The following DNAH12 variants were observed in gnomAD, a reference collection of about 807,000 sequenced individuals.
The protein encoded by DNAH12 is dynein axonemal heavy chain 12, also known as axonemal beta dynein heavy chain 12.
A neutral mutation model predicts 371.5 loss-of-function variants in DNAH12; 285 were observed. That is an observed-to-expected ratio of 0.77 (90% CI 0.70 to 0.85). The LOEUF is 0.85. Among genes scored for constraint, DNAH12 ranks in the 40% least tolerant of loss-of-function variants. The pLI, the probability that DNAH12 is intolerant of heterozygous loss-of-function variation, is 0.00. For synonymous variants in DNAH12, 1,200 were observed against 1,213.0 expected (o/e 0.99, Z 0.22); for missense variants, 3,611 against 3,689.4 (o/e 0.98, Z 0.55).
chr3:57,326,920 A>C (rs1283046180), intron 62 of DNAH12, among the ~76,000 whole-genome samples: 6 of 152,246 alleles, frequency 3.9e-5, no homozygotes, highest in Admixed American at 1.3e-4. Flanking sequence ...CTGGTCTCTG[A>C]TAAAACAGAC....
At chr3:57,304,609 G>A (rs1258236924) in intron 69 of DNAH12, among the ~76,000 whole-genome samples, 1 of 152,154 alleles carries the variant, frequency 6.6e-6, no homozygotes, top group Non-Finnish European at 1.5e-5. Flanking sequence ...TGGGAAGACA[G>A]TCTTCCCTTG....
chr3:57,522,465 T>C (rs1364303063), intron 4 of DNAH12, among the ~76,000 whole-genome samples: 1 of 152,200 alleles, frequency 6.6e-6, no homozygotes, highest in Non-Finnish European at 1.5e-5. Context: ...TTTGGGAATG[T>C]TGTGTATCAG....
chr3:57,544,805 T>A (rs765495965), upstream of DNAH12, among the ~76,000 whole-genome samples: 1 of 152,200 alleles, frequency 6.6e-6, no homozygotes. Flanking sequence ...TTTAGTGGTA[T>A]GCTGGGAGAA....
At chr3:57,341,068 T>C (rs2062384593) in intron 60 of DNAH12, among the ~76,000 whole-genome samples, 1 of 152,200 alleles carries the variant, frequency 6.6e-6, no homozygotes, top group Non-Finnish European at 1.5e-5. Context: ...AAAAAGCGTT[T>C]GATAAAATTC....
chr3:57,442,722 T>C (rs73076444), intron 29 of DNAH12, among the ~76,000 whole-genome samples: 4,311 of 151,460 alleles, frequency 0.028, 87 homozygotes, highest in African/African-American at 0.054. Flanking sequence ...TTTTGTGTTT[T>C]CATTTTGGTG....
chr3:57,307,490 C>A (rs1457894996), intron 69 of DNAH12, among the ~76,000 whole-genome samples: 1 of 152,204 alleles, frequency 6.6e-6, no homozygotes, highest in Non-Finnish European at 1.5e-5. Context: ...ACAACTTGAC[C>A]TTACTGTTTT....
At position 57,502,332 on chromosome 3, in the gene DNAH12, C is replaced by G; in HGVS notation, c.1234G>C (p.Glu412Gln). ...TGTATGTCATACACACCATATGTCT[C>G]ATAATGCTTTCTTGCACCTTCTAAG... ...RNLEGARKHY[E>Q]TYVEKYNWLL... Residue 412 changes from glutamate (E) to glutamine (Q), a missense_variant, in exon 10 of 74, where the codon GAG becomes CAG. Transcript: ENST00000495027. 6.2e-7 allele frequency: 1 copy of G among 1,614,034 alleles called. No individual in the cohort carries two copies. The highest frequency in any genetic ancestry group is 8.5e-7 in the Non-Finnish European group (1 of 1,179,972).
At chr3:57,432,168 C>T (rs1204346734) in intron 32 of DNAH12, among the ~76,000 whole-genome samples, 4 of 131,224 alleles carry the variant, frequency 3.0e-5, no homozygotes, top group Non-Finnish European at 4.7e-5. Context: ...TTCAGTATAT[C>T]TTTTTTTTTT....
intron 67 of DNAH12, among the ~76,000 whole-genome samples, chr3:57,310,226 C>G (rs1027318089): frequency 6.6e-6 from 1 of 152,130 alleles, no homozygotes; most frequent in East Asian, 1.9e-4. Flanking sequence ...AATGTATTGC[C>G]CCTAGAACTC....
Position 57,293,933 on chromosome 3 carries a change from A to T in DNAH12, c.11731T>A (p.Cys3911Ser). ...CGTTCACTTGTCTTGTAGAGGGGACAGACATAGGCATCCGACTTTATAATC... is the reference window on the plus strand; with the variant it reads ...CGTTCACTTGTCTTGTAGAGGGGACTGACATAGGCATCCGACTTTATAATC... Reference protein sequence around the residue: ...SRIIKSDAYVCPLYKTSERKG... With the variant: ...SRIIKSDAYVSPLYKTSERKG... The change falls in exon 74 of 74, where the codon TGT (cysteine) becomes AGT (serine). Residue 3911 changes from cysteine to serine, a missense_variant. Cys to Ser is a moderately radical substitution (Grantham distance 112). Around this residue, in one of 3 missense-constraint regions of DNAH12, gnomAD observed 2,266 missense variants for 2,236.9 expected, o/e 1.01. Coordinates refer to ENST00000495027, the MANE Select transcript of DNAH12 (RefSeq NM_001366028.2). 1 of 1,471,652 alleles carries T rather than the reference A, an allele frequency of 6.8e-7. No homozygotes were observed. Among genetic ancestry groups the T allele is most frequent in the Non-Finnish European group, 9.0e-7 (1 of 1,106,132 alleles). The allele number at this position is 1,471,652 out of a possible 1,614,324, so 91.2% of individuals were successfully genotyped here.
rs574535557 is a variant in DNAH12, at chr3:57,541,043, C to A, written c.170+1658G>T. Among the ~76,000 whole-genome samples the A allele has an allele frequency of 1.3e-4, 19 of 151,246 alleles. 1 individual carries two copies. Among genetic ancestry groups the A allele is most frequent in the South Asian group, 2.1e-4 (1 of 4,764 alleles). On this transcript the variant is annotated intron_variant, in intron 2 of 73. Coordinates refer to ENST00000495027, the MANE Select transcript of DNAH12 (RefSeq NM_001366028.2). ...GAAGGAGGAATGCATCTCTCCCCCT[C>A]CCTTTTATTTTTTTGAGATGGAGTC...
At chr3:57,489,776 A>G (rs918184350) in intron 11 of DNAH12, 89 bp from the exon 12 acceptor site, 40 of 1,253,572 alleles carry the variant, frequency 3.2e-5, no homozygotes, top group Non-Finnish European at 4.2e-5. Flanking sequence ...TCCTAATTAT[A>G]TAAATACAAC....
At position 57,500,163 on chromosome 3, in the gene DNAH12, C is replaced by CG. The variant is rs574074248; in HGVS notation, c.1335+1157_1335+1158insC. ...TCAAGCGATCCTACTCCTCAGCCCC[C>CG]CCTAGTAGCTGGGATTACAGGCATG... On this transcript the variant is annotated intron_variant, in intron 11 of 73. Transcript: ENST00000495027. 7.8e-3 allele frequency among the ~76,000 whole-genome samples: 1,186 copies of CG among 151,914 alleles called. 11 individuals are homozygous for CG. The highest frequency in any genetic ancestry group is 0.012 in the Non-Finnish European group (797 of 67,930).
chr3:57,305,103 C>G (rs911826513), intron 69 of DNAH12, among the ~76,000 whole-genome samples: 1 of 152,120 alleles, frequency 6.6e-6, no homozygotes, highest in Admixed American at 6.5e-5. Flanking sequence ...ACGGCACTTT[C>G]GATTTTTCCA....
At chr3:57,494,046 A>AT in intron 11 of DNAH12, among the ~76,000 whole-genome samples, 1 of 152,118 alleles carries the variant, frequency 6.6e-6, no homozygotes, top group Admixed American at 6.6e-5. Flanking sequence ...CAGCCTGAGC[A>AT]ATATAGTGAG....
intron 59 of DNAH12, among the ~76,000 whole-genome samples, chr3:57,353,379 A>G (rs944259221): frequency 1.1e-4 from 17 of 151,762 alleles, no homozygotes; most frequent in Middle Eastern, 3.4e-3. Context: ...TACAACCTCT[A>G]CCTCCTGGGC....
In DNAH12 at chr3:57,436,995, A is replaced by T. The variant is rs1559657455; in HGVS notation, c.4611T>A (p.Leu1537=). 1.3e-6 allele frequency: 2 copies of T among 1,514,882 alleles called. No homozygotes were observed. Among genetic ancestry groups the T allele is most frequent in the Middle Eastern group, 1.7e-4 (1 of 5,894 alleles). The allele number at this position is 1,514,882 out of a possible 1,614,324, so 93.8% of individuals were successfully genotyped here. ...VHNLQPVKFF[L]EKIIQTYEMM... ...TTTCATATGTTTGAATTATTTTTTCAAGAAAAAATTTAACAGGCTGAAGAT... is the reference window on the plus strand; with the variant it reads ...TTTCATATGTTTGAATTATTTTTTCTAGAAAAAATTTAACAGGCTGAAGAT... The change falls in exon 30 of 74, where the codon CTT becomes CTA. Residue 1537 remains leucine (L), a synonymous_variant. Transcript: ENST00000495027.
intron 49 of DNAH12, among the ~76,000 whole-genome samples, chr3:57,383,854 A>C (rs985082146): frequency 3.7e-4 from 56 of 152,146 alleles, no homozygotes; most frequent in Non-Finnish European, 6.8e-4. Context: ...CCTGATTCAC[A>C]GCACTAGGAA....
At chr3:57,391,253 T>C (rs1404999699) in intron 45 of DNAH12, among the ~76,000 whole-genome samples, 3 of 152,184 alleles carry the variant, frequency 2.0e-5, no homozygotes, top group African/African-American at 7.2e-5. Context: ...CATCCAATTG[T>C]CCTTGTCCAG....
Sources: allele counts gnomAD v4.1 joint callset (sites outside exome capture counted in the v4.1 genomes callset), GRCh38; gene constraint gnomAD v4.1.1; regional missense constraint gnomAD v4.1.1; transcripts MANE v1.5; gene names NCBI Gene and HGNC (gene_info 2026-07-23, HGNC 2026-07-21).